The following ARFIP1 variants were observed in gnomAD, a reference collection of about 807,000 sequenced individuals.
ARFIP1 encodes arfaptin-1.
In ARFIP1, 24 loss-of-function variants were observed where a neutral mutation model predicts 42.5. The observed-to-expected ratio is 0.57, with a 90% CI of 0.41 to 0.80. The LOEUF is 0.80. Ranked by LOEUF, ARFIP1 falls within the 30% of genes least tolerant of loss-of-function variation. ARFIP1 has a pLI of 0.00. For missense variants in ARFIP1, 354 were observed against 434.0 expected, an observed-to-expected ratio of 0.82 and a Z score of 1.64; for synonymous variants, 141 against 153.7, an observed-to-expected ratio of 0.92 and a Z score of 0.61.
At chr4:152,784,140 G>A (rs867086820) in intron 1 of ARFIP1, among the ~76,000 whole-genome samples, 18 of 152,144 alleles carry the variant, frequency 1.2e-4, no homozygotes, top group African/African-American at 3.9e-4. Flanking sequence ...TGTACAGAAT[G>A]GAAAGTGAGT....
At chr4:152,882,603 A>G (rs1249868071) in intron 6 of ARFIP1, 120 bp from the exon 7 acceptor site, 4 of 997,284 alleles carry the variant, frequency 4.0e-6, no homozygotes, top group Non-Finnish European at 5.8e-6. Flanking sequence ...GAAAAGTAAA[A>G]CTGCTACAGC....
chr4:152,782,198 G>T (rs1196459163), intron 1 of ARFIP1, among the ~76,000 whole-genome samples: 2 of 150,334 alleles, frequency 1.3e-5, no homozygotes, highest in East Asian at 3.9e-4. Flanking sequence ...GCAGTGTCTT[G>T]TTGAAGTTAG....
chr4:152,877,145 A>G (rs1003094145), intron 5 of ARFIP1, among the ~76,000 whole-genome samples: 1 of 152,146 alleles, frequency 6.6e-6, no homozygotes, highest in Non-Finnish European at 1.5e-5. Context: ...ACCATCCTGC[A>G]GACCCCTGAA....
intron 1 of ARFIP1, among the ~76,000 whole-genome samples, chr4:152,803,130 T>C (rs887324085): frequency 1.6e-4 from 25 of 152,152 alleles, no homozygotes; most frequent in Non-Finnish European, 1.2e-4. Context: ...GACTATGGTA[T>C]GAGAAGCAGC....
Position 152,910,421 on chromosome 4 carries a change from CTG to C in ARFIP1, c.*203_*204del. The C allele has an allele frequency of 3.9e-6, 2 of 513,380 alleles. No homozygotes were observed. The highest frequency in any genetic ancestry group is 6.4e-6 in the Non-Finnish European group (2 of 312,240). 31.8% of individuals were successfully genotyped at this position (513,380 alleles called of 1,614,324 possible). ...TTAATGTAAACATAGTTTCTATAATCTGAACACAATAATTTTCCTTTTTGAGA... is the reference window on the plus strand; with the variant it reads ...TTAATGTAAACATAGTTTCTATAATCAACACAATAATTTTCCTTTTTGAGA... On this transcript the variant is annotated 3_prime_UTR_variant, in exon 9 of 9. Transcript: ENST00000353617.
At position 152,905,014 on chromosome 4, in the gene ARFIP1, C is replaced by G. The variant is rs1282112431; in HGVS notation, c.967-5050C>G. On this transcript the variant is annotated intron_variant, in intron 8 of 8. Coordinates refer to ENST00000353617, the MANE Select transcript of ARFIP1 (RefSeq NM_001025595.3). ...TTGAACTAATTTACATTCCCACCAA[C>G]AGTATAAAAGTGTTCCTATTTCTCC... is the stretch of plus-strand genomic sequence containing the variant. 2.0e-5 allele frequency among the ~76,000 whole-genome samples: 3 copies of G among 152,340 alleles called. No homozygotes were observed. In the East Asian group the frequency reaches 5.8e-4, roughly 29 times the overall value.
At chr4:152,856,026 G>C (rs1412852591) in intron 2 of ARFIP1, among the ~76,000 whole-genome samples, 2 of 152,148 alleles carry the variant, frequency 1.3e-5, no homozygotes, top group Admixed American at 6.5e-5. Flanking sequence ...ATGGAGGAAG[G>C]GAGTGCGAAA....
chr4:152,883,724 C>G (rs959939175), intron 7 of ARFIP1, among the ~76,000 whole-genome samples: 5 of 151,132 alleles, frequency 3.3e-5, no homozygotes, highest in African/African-American at 1.2e-4. Flanking sequence ...TTTGAAGGGT[C>G]TAAAATATGG....
At chr4:152,895,417 C>CACT (rs1311337749) in intron 8 of ARFIP1, among the ~76,000 whole-genome samples, 1 of 152,066 alleles carries the variant, frequency 6.6e-6, no homozygotes, top group Non-Finnish European at 1.5e-5. Flanking sequence ...GACAGGGTCT[C>CACT]ACTGTGTTGC....
intron 8 of ARFIP1, 60 bp from the exon 9 acceptor site, chr4:152,910,004 C>G (rs1396447670): frequency 6.5e-7 from 1 of 1,545,532 alleles, no homozygotes; most frequent in Non-Finnish European, 8.8e-7. Flanking sequence ...TAATAAATCA[C>G]TCTCTATTTT....
chr4:152,792,033 T>C (rs1285104419), intron 1 of ARFIP1, among the ~76,000 whole-genome samples: 1 of 152,106 alleles, frequency 6.6e-6, no homozygotes, highest in African/African-American at 2.4e-5. Context: ...GTAGATTTCA[T>C]CAAAAGTGAA....
At chr4:152,887,239 T>C (rs1354152205) in intron 7 of ARFIP1, among the ~76,000 whole-genome samples, 4 of 151,992 alleles carry the variant, frequency 2.6e-5, no homozygotes, top group South Asian at 4.1e-4. Flanking sequence ...TGAGGAGTTA[T>C]GGGATCTTGG....
At chr4:152,871,250 A>G (rs1170660326) in intron 4 of ARFIP1, among the ~76,000 whole-genome samples, 2 of 152,156 alleles carry the variant, frequency 1.3e-5, no homozygotes, top group Non-Finnish European at 2.9e-5. Context: ...AATGGATTAA[A>G]TGAAAAAGGT....
At chr4:152,845,933 C>T (rs974706660) in intron 2 of ARFIP1, among the ~76,000 whole-genome samples, 21 of 152,100 alleles carry the variant, frequency 1.4e-4, no homozygotes, top group Admixed American at 1.4e-3. Flanking sequence ...CAGAGTCATA[C>T]AATCAATCTA....
At chr4:152,861,709 C>T (rs1018959882) in intron 2 of ARFIP1, among the ~76,000 whole-genome samples, 3 of 152,090 alleles carry the variant, frequency 2.0e-5, no homozygotes, top group Non-Finnish European at 2.9e-5. Context: ...AATCCCTTTG[C>T]ATTTTGGTTC....
In ARFIP1 at chr4:152,845,731, A is replaced by G. The variant is rs147798493; in HGVS notation, c.93+16005A>G. Among the ~76,000 whole-genome samples, 1,371 of 152,300 alleles carry G rather than the reference A, an allele frequency of 9.0e-3. 22 individuals are homozygous for G. Among genetic ancestry groups the G allele is most frequent in the African/African-American group, 0.031 (1,286 of 41,564 alleles). On this transcript the variant is annotated intron_variant, in intron 2 of 8. Coordinates refer to ENST00000353617, the MANE Select transcript of ARFIP1 (RefSeq NM_001025595.3). ...GCAAGGCTGCAGAGAAAAAGGGAAC[A>G]CTTATACACTGTTGATGGGAATGTA...
At chr4:152,907,550 A>G (rs985132779) in intron 8 of ARFIP1, among the ~76,000 whole-genome samples, 1 of 151,938 alleles carries the variant, frequency 6.6e-6, no homozygotes, top group African/African-American at 2.4e-5. Flanking sequence ...TATTGTTCCT[A>G]TTGGTTTTCT....
intron 1 of ARFIP1, among the ~76,000 whole-genome samples, chr4:152,808,678 A>G (rs900753174): frequency 5.3e-5 from 8 of 151,986 alleles, no homozygotes; most frequent in African/African-American, 1.2e-4. Flanking sequence ...TCCGCCTTCT[A>G]ATGGGTGTAT....
intron 1 of ARFIP1, among the ~76,000 whole-genome samples, chr4:152,783,201 G>A (rs867931553): frequency 1.3e-5 from 2 of 152,190 alleles, no homozygotes; most frequent in Middle Eastern, 6.8e-3. Flanking sequence ...CCAGCTACTT[G>A]GGAGGGGCTG....
Sources: allele counts gnomAD v4.1 joint callset (sites outside exome capture counted in the v4.1 genomes callset), GRCh38; gene constraint gnomAD v4.1.1; transcripts MANE v1.5; gene names NCBI Gene and HGNC (gene_info 2026-07-23, HGNC 2026-07-21).